Variants in RAD51B observed in about 807,000 individuals in gnomAD.
RAD51B encodes the protein DNA repair protein RAD51 homolog 2.
In RAD51B, 38 loss-of-function variants were observed where a neutral mutation model predicts 42.2. The observed-to-expected ratio is 0.90, with a 90% confidence interval of 0.70 to 1.18. RAD51B has a LOEUF of 1.18. Ranked by LOEUF, RAD51B falls within the 50% of genes most tolerant of loss-of-function variation. RAD51B has a pLI of 0.00. For synonymous variants in RAD51B, 154 were observed against 145.2 expected, an observed-to-expected ratio of 1.06 and a Z score of -0.43; for missense variants, 373 against 400.7, an observed-to-expected ratio of 0.93 and a Z score of 0.59.
chr14:67,880,963 A>G (rs2042887427), intron 5 of RAD51B, among the ~76,000 whole-genome samples: 1 of 152,206 alleles, frequency 6.6e-6, no homozygotes, highest in Non-Finnish European at 1.5e-5. Flanking sequence ...TCATTGTTGT[A>G]TGAACACCCT....
Position 68,042,938 on chromosome 14 carries a change from A to C in RAD51B, c.756+155734A>C, listed in dbSNP as rs184662764. ...GACTTGAACTGTTTTATTAAGATGG[A>C]AGAAGCCAAGTTCTCAACACCCTGT... On this transcript the variant is annotated intron_variant, in intron 7 of 10. Transcript: ENST00000471583. 6.2e-3 allele frequency among the ~76,000 whole-genome samples: 951 copies of C among 152,324 alleles called. 5 individuals carry two copies. Among genetic ancestry groups the C allele is most frequent in the Non-Finnish European group, 9.9e-3 (676 of 68,026 alleles).
intron 7 of RAD51B, among the ~76,000 whole-genome samples, chr14:68,159,729 A>G (rs780665853): frequency 1.3e-5 from 2 of 151,950 alleles, no homozygotes; most frequent in Admixed American, 6.6e-5. Context: ...ACCATTTACT[A>G]CTTTTAACAT....
chr14:68,058,363 A>G (rs2076513719), intron 7 of RAD51B, among the ~76,000 whole-genome samples: 1 of 152,194 alleles, frequency 6.6e-6, no homozygotes, highest in Admixed American at 6.5e-5. Context: ...CAGTTTAATC[A>G]GTAGAGTAGG....
intron 7 of RAD51B, among the ~76,000 whole-genome samples, chr14:68,134,021 C>A (rs1405432178): frequency 6.6e-6 from 1 of 152,026 alleles, no homozygotes; most frequent in Admixed American, 6.6e-5. Context: ...TGTCATCATG[C>A]GTAGCTTTGA....
intron 8 of RAD51B, among the ~76,000 whole-genome samples, chr14:68,296,036 G>A (rs565643654): frequency 7.9e-5 from 12 of 152,212 alleles, no homozygotes; most frequent in Admixed American, 3.3e-4. Context: ...AGGGGAGACT[G>A]TTGCAGGTAT....
At chr14:68,353,883 G>C (rs1057378415) in intron 8 of RAD51B, among the ~76,000 whole-genome samples, 1 of 152,174 alleles carries the variant, frequency 6.6e-6, no homozygotes, top group African/African-American at 2.4e-5. Context: ...AGCAGTTCAG[G>C]CCTTCCACGT....
At chr14:67,866,195 C>T (rs766957699) in intron 5 of RAD51B, among the ~76,000 whole-genome samples, 2 of 152,104 alleles carry the variant, frequency 1.3e-5, no homozygotes, top group Admixed American at 6.5e-5. Context: ...TGGATTAAAA[C>T]AGATTTAAAA....
chr14:68,569,358 G>A (rs986413105), intron 10 of RAD51B, among the ~76,000 whole-genome samples: 1 of 152,176 alleles, frequency 6.6e-6, no homozygotes, highest in Admixed American at 6.5e-5. Flanking sequence ...AGGGCAACAG[G>A]GTCAGCAGCA....
In RAD51B at chr14:68,275,579, C is replaced by T. The variant is rs79432533; in HGVS notation, c.757-16305C>T. 9.5e-3 allele frequency among the ~76,000 whole-genome samples: 1,453 copies of T among 152,168 alleles called. 26 individuals carry two copies. Among genetic ancestry groups the T allele is most frequent in the East Asian group, 0.057 (294 of 5,172 alleles). Reference sequence around the variant, plus strand: ...GAATTGGCGAGAAGCTATCAGGATACGCATGGATGACACACAGTCACACAG... The same window carrying T: ...GAATTGGCGAGAAGCTATCAGGATATGCATGGATGACACACAGTCACACAG... On this transcript the variant is annotated intron_variant, in intron 7 of 10. Coordinates refer to ENST00000471583, the MANE Select transcript of RAD51B (RefSeq NM_133510.4).
At chr14:67,825,218 G>A (rs1003686411) in intron 2 of RAD51B, among the ~76,000 whole-genome samples, 1 of 151,768 alleles carries the variant, frequency 6.6e-6, no homozygotes, top group South Asian at 2.1e-4. Flanking sequence ...GGTGCTATGT[G>A]ATATTATTTG....
At chr14:68,303,365 G>C (rs2081786627) in intron 8 of RAD51B, among the ~76,000 whole-genome samples, 1 of 151,482 alleles carries the variant, frequency 6.6e-6, no homozygotes. Context: ...GTAGATGACA[G>C]GTTGACGGGT....
At chr14:68,508,121 A>G (rs1488596960) in intron 10 of RAD51B, among the ~76,000 whole-genome samples, 2 of 152,160 alleles carry the variant, frequency 1.3e-5, no homozygotes, top group Non-Finnish European at 2.9e-5. Context: ...GGACCCAAAG[A>G]TGCTGATGGG....
chr14:68,161,594 C>T (rs987267840), intron 7 of RAD51B, among the ~76,000 whole-genome samples: 1 of 152,160 alleles, frequency 6.6e-6, no homozygotes, highest in Admixed American at 6.5e-5. Context: ...GTCTTTTCCC[C>T]CCAAAAGGGA....
chr14:68,371,393 C>T (rs1277288305), intron 8 of RAD51B, among the ~76,000 whole-genome samples: 5 of 152,194 alleles, frequency 3.3e-5, no homozygotes, highest in Admixed American at 1.3e-4. Context: ...TGGTGCATGC[C>T]TGTAGTCCTA....
chr14:68,563,056 C>T (rs1889234605), intron 10 of RAD51B: 1 of 985,460 alleles, frequency 1.0e-6, no homozygotes, highest in Non-Finnish European at 1.2e-6. Context: ...CTTCTCTAGC[C>T]AGTGGGAGGG....
intron 7 of RAD51B, among the ~76,000 whole-genome samples, chr14:67,997,973 G>T (rs1050572687): frequency 9.9e-5 from 15 of 152,136 alleles, no homozygotes; most frequent in African/African-American, 3.1e-4. Context: ...CTTTCTTCTA[G>T]GAAGTAGTTT....
At chr14:68,314,441 G>C (rs2082018422) in intron 8 of RAD51B, among the ~76,000 whole-genome samples, 1 of 152,154 alleles carries the variant, frequency 6.6e-6, no homozygotes, top group Non-Finnish European at 1.5e-5. Flanking sequence ...TCTTTGAAAG[G>C]CAGACTTAAA....
chr14:67,920,719 G>A (rs2044295364), intron 7 of RAD51B, among the ~76,000 whole-genome samples: 1 of 152,086 alleles, frequency 6.6e-6, no homozygotes, highest in African/African-American at 2.4e-5. Flanking sequence ...TGTATGACAG[G>A]CTCTGTGCTT....
At chr14:68,479,133 C>T (rs1469831032), downstream of RAD51B, among the ~76,000 whole-genome samples, 1 of 152,122 alleles carries the variant, frequency 6.6e-6, no homozygotes, top group African/African-American at 2.4e-5. Context: ...AGGCTGTGAC[C>T]ATGTGTCTCC....
Sources: allele counts gnomAD v4.1 joint callset (sites outside exome capture counted in the v4.1 genomes callset), GRCh38; gene constraint gnomAD v4.1.1; transcripts MANE v1.5; gene names NCBI Gene and HGNC (gene_info 2026-07-23, HGNC 2026-07-21).